WDR45: variants seen among roughly 807,000 people sequenced by gnomAD.
WDR45 encodes the protein WD repeat domain 45, also known as WD repeat domain phosphoinositide-interacting protein 4.
In WDR45, 2 loss-of-function variants were observed where a neutral mutation model predicts 27.3. The ratio of observed to expected loss-of-function variants is 0.07; its 90% CI spans 0.03 to 0.23. The LOEUF is 0.23. Ranked by LOEUF, WDR45 falls within the 10% of genes least tolerant of loss-of-function variation. WDR45 has a pLI of 1.00. For missense variants in WDR45, 175 were observed against 311.9 expected, an observed-to-expected ratio of 0.56 and a Z score of 3.31; for synonymous variants, 99 against 119.2, an observed-to-expected ratio of 0.83 and a Z score of 1.11.
intron 2 of WDR45, among the ~76,000 whole-genome samples, chrX:49,093,713 CAT>C (rs1289217789): frequency 9.1e-6 from 1 of 109,585 alleles, no homozygotes; most frequent in Non-Finnish European, 1.9e-5. Flanking sequence ...CTTTTTAAAA[CAT>C]ATTTTTTGTG....
chrX:49,084,053 CTTTT>C (rs1173932347), upstream of WDR45, among the ~76,000 whole-genome samples: 1 of 74,903 alleles, frequency 1.3e-5, no homozygotes, highest in African/African-American at 4.8e-5. Flanking sequence ...TTTCTTTTTT[CTTTT>C]TTTTTTTTTT....
rs187890841 is a variant in WDR45, at chrX:49,088,299, C to T, written c.-17-10187G>A. On this transcript the variant is annotated intron_variant, in intron 2 of 11. Transcript: ENST00000356463. ...GCGTGTGCCTGTAATACCAGGTACT[C>T]GGGAGGCTGAGGCAGGAGAATCGCT... 8.1e-5 allele frequency among the ~76,000 whole-genome samples: 9 copies of T among 111,346 alleles called. No individual in the cohort carries two copies. The East Asian group carries it at 1.1e-3, about 14-fold the overall frequency.
chrX:49,074,657 T>G lies in WDR45; in HGVS notation c.*146A>C. On this transcript the variant is annotated 3_prime_UTR_variant, in exon 11 of 11. Transcript: ENST00000376372. ...AGAAGTGCTGGGGGGAAGTGAGCTCTTTATTTAGACATAGCTCTGCTGAGT... is the reference window on the plus strand; with the variant it reads ...AGAAGTGCTGGGGGGAAGTGAGCTCGTTATTTAGACATAGCTCTGCTGAGT... 1 of 481,489 alleles carries G rather than the reference T, an allele frequency of 2.1e-6. No homozygotes were observed. The highest frequency in any genetic ancestry group is 3.6e-6 in the Non-Finnish European group (1 of 275,683). The allele number at this position is 481,489 out of a possible 1,213,427, so 39.7% of individuals were successfully genotyped here. A position where few individuals can be genotyped will look rare whatever the true frequency, so the allele number is the denominator to read the frequency against.
chrX:49,075,905 T>A lies in WDR45; in HGVS notation c.477A>T (p.Leu159=). 1 of 1,210,403 alleles carries A rather than the reference T, an allele frequency of 8.3e-7. No individual in the cohort carries two copies. The highest frequency in any genetic ancestry group is 1.1e-6 in the Non-Finnish European group (1 of 895,059). The change falls in exon 7 of 11, where the codon CTA becomes CTT. Residue 159 remains leucine, a synonymous_variant. Coordinates refer to ENST00000376372, the MANE Select transcript of WDR45 (RefSeq NM_001029896.2). ...TCCCACACTTGTGTCCCGGGAACAC[T>A]AGCAGTTGCTTCTCCAGGCTGGGGC... is the stretch of plus-strand genomic sequence containing the variant. ...DLCPSLEKQL[L]VFPGHKCGSL...
rs781803477 is a variant in WDR45, at chrX:49,077,876, T to C, written c.91A>G (p.Ile31Val). Residue 31 changes from isoleucine to valine, a missense_variant, in exon 3 of 11, where the codon ATC becomes GTC. Physicochemically the swap from Ile to Val is conservative, Grantham distance 29 (BLOSUM62 3). Coordinates refer to ENST00000376372, the MANE Select transcript of WDR45 (RefSeq NM_001029896.2). ...FCCAMETGVRIYNVEPLMEKG... is the reference protein window; with the variant it reads ...FCCAMETGVRVYNVEPLMEKG... ...TCCATCAAGGGCTCCACGTTGTAGA[T>C]GCGCACACCTGTCTCCATGGCGCAG... 5 of 1,211,978 alleles carry C rather than the reference T, an allele frequency of 4.1e-6. No homozygotes were observed. The Admixed American group carries it at 1.1e-4, about 26-fold the overall frequency.
chrX:49,086,003 T>A (rs899311115), intron 2 of WDR45, among the ~76,000 whole-genome samples: 2 of 112,258 alleles, frequency 1.8e-5, no homozygotes, highest in Non-Finnish European at 3.8e-5. Context: ...TGATTTTTTT[T>A]AATTGGGGAG....
rs951703818 is a variant in WDR45, at chrX:49,087,750, C to T, written c.-17-9638G>A. On this transcript the variant is annotated intron_variant, in intron 2 of 11. Coordinates refer to the WDR45 transcript ENST00000356463. ...TTTCAAGGACAGGTGCGGTGGCTCACGCCTGTAATCTGAGCACTTTGGGAG... is the reference window on the plus strand; with the variant it reads ...TTTCAAGGACAGGTGCGGTGGCTCATGCCTGTAATCTGAGCACTTTGGGAG... 4.5e-5 allele frequency among the ~76,000 whole-genome samples: 5 copies of T among 111,670 alleles called. No individual in the cohort carries two copies. In the East Asian group the frequency reaches 1.4e-3, roughly 31 times the overall value.
At chrX:49,091,755 CAAAAAAAAAAA>C (rs1162476660) in intron 2 of WDR45, among the ~76,000 whole-genome samples, 1 of 35,197 alleles carries the variant, frequency 2.8e-5, no homozygotes, top group African/African-American at 1.6e-4. Flanking sequence ...GACTCCGTCT[CAAAAAAAAAAA>C]AAAAAAAAAA....
At chrX:49,090,573 CTT>C (rs1448253136) in intron 2 of WDR45, among the ~76,000 whole-genome samples, 1 of 110,789 alleles carries the variant, frequency 9.0e-6, no homozygotes, top group East Asian at 2.8e-4. Flanking sequence ...GTTTTTTGCT[CTT>C]GTCACCCAGG....
At chrX:49,076,586 A>G in intron 5 of WDR45, 59 bp downstream of exon 5, 1 of 1,199,476 alleles carries the variant, frequency 8.3e-7, no homozygotes, top group African/African-American at 1.7e-5. Flanking sequence ...AGGGAGGACT[A>G]TCCCTCTCAC....
intron 1 of WDR45, among the ~76,000 whole-genome samples, chrX:49,078,527 G>C (rs1345105156): frequency 9.0e-6 from 1 of 111,637 alleles, no homozygotes; most frequent in Admixed American, 9.4e-5. Flanking sequence ...GTCTCGGGGG[G>C]AAGAAAAAGA....
intron 2 of WDR45, among the ~76,000 whole-genome samples, chrX:49,094,737 G>A (rs1392545811): frequency 6.3e-5 from 7 of 110,543 alleles, no homozygotes; most frequent in African/African-American, 2.0e-4. Context: ...AGACATAGTT[G>A]GCACTCAAAA....
At chrX:49,081,149 G>A (rs1171894207), upstream of WDR45, among the ~76,000 whole-genome samples, 5 of 107,380 alleles carry the variant, frequency 4.7e-5, no homozygotes, top group African/African-American at 1.3e-4. Context: ...CAGGTGATCC[G>A]CCTGCCTCGG....
chrX:49,081,918 G>A (rs1419656914), upstream of WDR45: 2 of 102,872 alleles, frequency 1.9e-5, no homozygotes, highest in Non-Finnish European at 4.0e-5. Context: ...AGAAGGCAGA[G>A]GTTGCAGTGA....
intron 2 of WDR45, among the ~76,000 whole-genome samples, chrX:49,100,034 C>T: frequency 9.1e-6 from 1 of 109,900 alleles, no homozygotes; most frequent in South Asian, 3.9e-4. Flanking sequence ...ACATTTTGGG[C>T]ACCCAGTTAA....
At position 49,078,791 on chromosome X, in the gene WDR45, C is replaced by G. The variant is rs140216014; in HGVS notation, c.-17-679G>C. 2.5e-3 allele frequency among the ~76,000 whole-genome samples: 277 copies of G among 112,562 alleles called. 1 individual carries two copies. Among genetic ancestry groups the G allele is most frequent in the African/African-American group, 8.6e-3 (267 of 30,974 alleles). On this transcript the variant is annotated intron_variant, in intron 1 of 10. Coordinates refer to ENST00000376372, the MANE Select transcript of WDR45 (RefSeq NM_001029896.2). ...GACATGGCCTGGAACCACTCCCAAC[C>G]CATTTCTCATCTTCAAACCTGACCT...
rs1557087862 is a variant in WDR45, at chrX:49,099,794, CAAAA to C, written c.-18+407_-18+410del. 2.3e-3 allele frequency among the ~76,000 whole-genome samples: 34 copies of C among 15,006 alleles called. 1 individual carries two copies. Among genetic ancestry groups the C allele is most frequent in the East Asian group, 0.14 (1 of 7 alleles). 13.0% of individuals were successfully genotyped at this position (15,006 alleles called of 115,157 possible). ...AGACTATGTCTCAAAAAAAAAAAAA[CAAAA>C]AAAAACAAAAAAAAACACACAGTGT... is the stretch of plus-strand genomic sequence containing the variant. On this transcript the variant is annotated intron_variant, in intron 2 of 11. Transcript: ENST00000356463.
At chrX:49,092,596 T>A (rs782243376) in intron 2 of WDR45, among the ~76,000 whole-genome samples, 8 of 111,903 alleles carry the variant, frequency 7.1e-5, no homozygotes, top group Non-Finnish European at 1.5e-4. Context: ...CAAACCTTAA[T>A]CAGATTGTCT....
rs782366936 is a variant in WDR45, at chrX:49,078,130, A to G, written c.-17-18T>C. The stretch of plus-strand genomic sequence containing the variant: ...TTGTTCCTCTGCATACAAATGGGAT[A>G]AAGATGAGAAGAGTCCTGGAATCTC... On this transcript the variant is annotated intron_variant, in intron 1 of 10. Coordinates refer to ENST00000376372, the MANE Select transcript of WDR45 (RefSeq NM_001029896.2). 11 of 1,193,480 alleles carry G rather than the reference A, an allele frequency of 9.2e-6. No individual in the cohort carries two copies. Among genetic ancestry groups the G allele is most frequent in the Middle Eastern group, 4.7e-4 (2 of 4,275 alleles).
Sources: gnomAD v4.1 joint callset for allele counts (sites outside exome capture counted in the v4.1 genomes callset) on GRCh38, gnomAD v4.1.1 for gene constraint, MANE v1.5 for transcripts, NCBI Gene and HGNC (gene_info 2026-07-23, HGNC 2026-07-21) for gene names.